Variants in JAKMIP2 observed in about 807,000 individuals in gnomAD.
JAKMIP2 encodes janus kinase and microtubule-interacting protein 2.
Under a neutral mutation model 115.0 loss-of-function variants are expected in JAKMIP2, and 25 were observed. The observed-to-expected ratio is 0.22, with a 90% CI of 0.16 to 0.30. The LOEUF (loss-of-function observed/expected upper bound fraction) is 0.30. JAKMIP2 is among the 10% of genes least tolerant of loss of function. The probability of loss-of-function intolerance (pLI) is 1.00; values close to 1 mark genes in which losing one functional copy is unlikely to be tolerated. For synonymous variants in JAKMIP2, 334 were observed against 343.6 expected (o/e 0.97, Z 0.31); for missense variants, 642 against 957.6 (o/e 0.67, Z 4.35).
At chr5:147,743,818 A>G (rs954687965) in intron 1 of JAKMIP2, among the ~76,000 whole-genome samples, 11 of 152,170 alleles carry the variant, frequency 7.2e-5, no homozygotes, top group South Asian at 2.1e-4. Flanking sequence ...GTTCTTCTCC[A>G]AAAGGCTCAG....
intron 21 of JAKMIP2, among the ~76,000 whole-genome samples, chr5:147,593,899 T>C (rs1335210547): frequency 6.6e-6 from 1 of 152,212 alleles, no homozygotes; most frequent in Non-Finnish European, 1.5e-5. Flanking sequence ...TGTTTGTGTG[T>C]TTTTAAATAT....
At chr5:147,748,462 T>C (rs1390084426) in intron 1 of JAKMIP2, among the ~76,000 whole-genome samples, 1 of 152,152 alleles carries the variant, frequency 6.6e-6, no homozygotes, top group African/African-American at 2.4e-5. Context: ...ATTTCCCTTT[T>C]AACAAAAAGC....
intron 1 of JAKMIP2, among the ~76,000 whole-genome samples, chr5:147,686,314 T>G (rs1016023228): frequency 3.3e-5 from 5 of 151,834 alleles, no homozygotes; most frequent in African/African-American, 1.2e-4. Flanking sequence ...AATAAATCGT[T>G]TTTTTGGAAA....
In JAKMIP2 at chr5:147,603,839, T is replaced by C. The variant is rs59302862; in HGVS notation, c.2413-2028A>G. On this transcript the variant is annotated intron_variant, in intron 20 of 21. Transcript: ENST00000616793. Reference sequence around the variant, plus strand: ...ATTCCAACAATGAACATGATCTTAATCTCCCTTCTTCCAAAATTTTTGAGG... The same window carrying C: ...ATTCCAACAATGAACATGATCTTAACCTCCCTTCTTCCAAAATTTTTGAGG... Among the ~76,000 whole-genome samples, 944 of 152,316 alleles carry C rather than the reference T, an allele frequency of 6.2e-3. 48 individuals carry two copies. In the East Asian group the frequency reaches 0.13, roughly 21 times the overall value.
At chr5:147,715,670 A>G (rs1473964583) in intron 1 of JAKMIP2, among the ~76,000 whole-genome samples, 1 of 151,882 alleles carries the variant, frequency 6.6e-6, no homozygotes, top group Non-Finnish European at 1.5e-5. Context: ...TAAAGGAAAA[A>G]TTGACCAAAT....
intron 1 of JAKMIP2, among the ~76,000 whole-genome samples, chr5:147,745,383 T>A (rs1222418019): frequency 6.6e-6 from 1 of 152,192 alleles, no homozygotes; most frequent in Non-Finnish European, 1.5e-5. Context: ...CTCCTTGCTT[T>A]ATTAACAGAG....
chr5:147,743,551 C>T (rs892583269), intron 1 of JAKMIP2, among the ~76,000 whole-genome samples: 1 of 152,110 alleles, frequency 6.6e-6, no homozygotes, highest in African/African-American at 2.4e-5. Context: ...GTAATTTATC[C>T]TTATTGTCTC....
chr5:147,719,075 A>C (rs1224580879), intron 1 of JAKMIP2, among the ~76,000 whole-genome samples: 4 of 137,142 alleles, frequency 2.9e-5, no homozygotes, highest in Admixed American at 7.5e-5. Flanking sequence ...TTCAAAGAAC[A>C]TCTTTATTTC....
chr5:147,598,477 TCTATC>T (rs1406805750), intron 21 of JAKMIP2, among the ~76,000 whole-genome samples: 2 of 139,794 alleles, frequency 1.4e-5, no homozygotes, highest in Non-Finnish European at 1.6e-5. Flanking sequence ...CTATGTATCA[TCTATC>T]TATCTATCTA....
At position 147,731,273 on chromosome 5, in the gene JAKMIP2, TG is replaced by T. The variant is rs1217640076; in HGVS notation, c.-149+51182del. Among the ~76,000 whole-genome samples, 7 of 152,230 alleles carry T rather than the reference TG, an allele frequency of 4.6e-5. No individual in the cohort carries two copies. The South Asian group carries it at 1.5e-3, about 32-fold the overall frequency. Reference sequence around the variant, plus strand: ...ATCATGAAAGATGAAATAAATCCTTTGGGGGGTTGCGAGGTAATTTACACTT... The same window carrying T: ...ATCATGAAAGATGAAATAAATCCTTTGGGGGTTGCGAGGTAATTTACACTT... On this transcript the variant is annotated intron_variant, in intron 1 of 21. Coordinates refer to ENST00000616793, the MANE Select transcript of JAKMIP2 (RefSeq NM_001270941.2).
intron 1 of JAKMIP2, among the ~76,000 whole-genome samples, chr5:147,697,138 G>A (rs191427000): frequency 1.9e-3 from 288 of 152,150 alleles, no homozygotes; most frequent in African/African-American, 6.5e-3. Flanking sequence ...CCTGAGACTG[G>A]GAAGAAAAAG....
chr5:147,728,004 C>A (rs1422050096), intron 1 of JAKMIP2, among the ~76,000 whole-genome samples: 1 of 152,102 alleles, frequency 6.6e-6, no homozygotes, highest in Admixed American at 6.6e-5. Context: ...CATGAAACCC[C>A]AGGGATTAAA....
At chr5:147,647,720 G>A (rs73797130) in intron 5 of JAKMIP2, among the ~76,000 whole-genome samples, 1,957 of 152,182 alleles carry the variant, frequency 0.013, 46 homozygotes, top group African/African-American at 0.045. Context: ...CATTATTGGT[G>A]GGAATTGTGA....
chr5:147,702,658 A>AG (rs1561547675), intron 1 of JAKMIP2, among the ~76,000 whole-genome samples: 22 of 111,204 alleles, frequency 2.0e-4, no homozygotes, highest in Non-Finnish European at 2.9e-4. Context: ...GAAAGAAAGA[A>AG]AGAAAGAGAG....
intron 1 of JAKMIP2, among the ~76,000 whole-genome samples, chr5:147,702,058 A>G (rs72835148): frequency 9.7e-4 from 147 of 152,278 alleles, no homozygotes; most frequent in Non-Finnish European, 1.9e-3. Flanking sequence ...GCCTCTTTCT[A>G]ATTGCCTGAC....
At chr5:147,682,195 A>G (rs929377527) in intron 1 of JAKMIP2, among the ~76,000 whole-genome samples, 2 of 152,194 alleles carry the variant, frequency 1.3e-5, no homozygotes, top group Non-Finnish European at 2.9e-5. Flanking sequence ...GTAAAAGAGA[A>G]TAAGAATGAT....
chr5:147,741,568 T>G (rs1011307704), intron 1 of JAKMIP2, among the ~76,000 whole-genome samples: 1 of 152,154 alleles, frequency 6.6e-6, no homozygotes, highest in African/African-American at 2.4e-5. Context: ...TTACTCTGAT[T>G]TATCCATTGA....
chr5:147,778,159 T>C (rs896630258), intron 1 of JAKMIP2, among the ~76,000 whole-genome samples: 1 of 152,118 alleles, frequency 6.6e-6, no homozygotes, highest in African/African-American at 2.4e-5. Flanking sequence ...AATATTTATC[T>C]ATAAAATAAG....
At chr5:147,725,089 C>T (rs1190521741) in intron 1 of JAKMIP2, among the ~76,000 whole-genome samples, 1 of 152,100 alleles carries the variant, frequency 6.6e-6, no homozygotes, top group African/African-American at 2.4e-5. Flanking sequence ...CTCTGGTTGT[C>T]CTCATTGCTC....
Sources: allele counts gnomAD v4.1 joint callset (sites outside exome capture counted in the v4.1 genomes callset), GRCh38; gene constraint gnomAD v4.1.1; transcripts MANE v1.5; gene names NCBI Gene and HGNC (gene_info 2026-07-23, HGNC 2026-07-21).